Variants in SLC8A1 observed in about 807,000 individuals in gnomAD.
The protein encoded by SLC8A1 is sodium/calcium exchanger 1.
In SLC8A1, 18 loss-of-function variants were observed where a neutral mutation model predicts 68.3. The observed-to-expected ratio is 0.26, with a 90% CI of 0.18 to 0.39. SLC8A1 has a LOEUF of 0.39. Among genes scored for constraint, SLC8A1 ranks in the 10% least tolerant of loss-of-function variants. SLC8A1 has a pLI of 1.00. For synonymous variants in SLC8A1, 475 were observed against 415.5 expected (o/e 1.14, Z -1.74); for missense variants, 985 against 1,156.7 (o/e 0.85, Z 2.15).
chr2:40,221,619 A>G (rs995895055), intron 2 of SLC8A1, among the ~76,000 whole-genome samples: 7 of 152,214 alleles, frequency 4.6e-5, no homozygotes, highest in Non-Finnish European at 1.0e-4. Context: ...ACATGATTGT[A>G]TATTTAGAAA....
At chr2:40,489,777 C>G (rs1345784009) in intron 1 of SLC8A1, among the ~76,000 whole-genome samples, 2 of 151,970 alleles carry the variant, frequency 1.3e-5, no homozygotes, top group Non-Finnish European at 2.9e-5. Context: ...ACCACATTCC[C>G]TGGGGTTAGT....
intron 2 of SLC8A1, among the ~76,000 whole-genome samples, chr2:40,380,861 G>A (rs1269589986): frequency 6.6e-6 from 1 of 152,058 alleles, no homozygotes; most frequent in Non-Finnish European, 1.5e-5. Context: ...TTCAGGGAAT[G>A]TGCTACTTTT....
chr2:40,468,272 A>G (rs4952416), intron 1 of SLC8A1, among the ~76,000 whole-genome samples: 10,550 of 152,186 alleles, frequency 0.069, 878 homozygotes, highest in African/African-American at 0.18. Flanking sequence ...TTTAGTAAGC[A>G]TTTACGTATT....
At chr2:40,144,731 A>G (rs374651549) in intron 6 of SLC8A1, among the ~76,000 whole-genome samples, 5 of 152,310 alleles carry the variant, frequency 3.3e-5, no homozygotes, top group African/African-American at 1.2e-4. Context: ...AAATAAAACA[A>G]TCAGGTAAAA....
At chr2:40,430,140 A>G (rs1447862918) in exon 2 of SLC8A1, 1 of 1,613,714 alleles carries the variant, frequency 6.2e-7, no homozygotes, top group Non-Finnish European at 8.5e-7. Context: ...CAGTACATTC[A>G]CCAGTTTCAT....
In SLC8A1 at chr2:40,199,325, T is replaced by G. The variant is rs570070181; in HGVS notation, c.1809-21470A>C. Among the ~76,000 whole-genome samples, 4 of 151,852 alleles carry G rather than the reference T, an allele frequency of 2.6e-5. No homozygotes were observed. The South Asian group carries it at 8.3e-4, about 32-fold the overall frequency. ...TGTTGGATCACTGGCTTGCAATGGATGAAGCTTGGCAGGCGTGGTCTTCCT... is the reference window on the plus strand; with the variant it reads ...TGTTGGATCACTGGCTTGCAATGGAGGAAGCTTGGCAGGCGTGGTCTTCCT... On this transcript the variant is annotated intron_variant, in intron 2 of 7. Coordinates refer to ENST00000406785, the Ensembl canonical transcript of SLC8A1.
At position 40,385,787 on chromosome 2, in the gene SLC8A1, A is replaced by G. The variant is rs570336174; in HGVS notation, c.1808+42686T>C. 3.3e-5 allele frequency among the ~76,000 whole-genome samples: 5 copies of G among 151,492 alleles called. No homozygotes were observed. In the East Asian group the frequency reaches 5.8e-4, roughly 18 times the overall value. On this transcript the variant is annotated intron_variant, in intron 2 of 7. Transcript: ENST00000406785. ...ATTTTAAAACAGAAGCTTGGCAAAT[A>G]TAAGTGTAAAATATGTAATGACAAT...
chr2:40,209,527 G>A lies in SLC8A1; in HGVS notation c.1809-31672C>T, dbSNP rs934284086. Among the ~76,000 whole-genome samples, 14 of 152,186 alleles carry A rather than the reference G, an allele frequency of 9.2e-5. No individual in the cohort carries two copies. The South Asian group carries it at 1.9e-3, about 20-fold the overall frequency. ...ATAGGGAGCCACTGGAGGATTTTGA[G>A]CAGAGAAGGGATATAACTTGACTTA... On this transcript the variant is annotated intron_variant, in intron 2 of 7. Coordinates refer to ENST00000406785, the Ensembl canonical transcript of SLC8A1.
intron 2 of SLC8A1, among the ~76,000 whole-genome samples, chr2:40,356,850 C>G (rs911740589): frequency 1.3e-5 from 2 of 152,140 alleles, no homozygotes; most frequent in Non-Finnish European, 2.9e-5. Flanking sequence ...AGTCATATTT[C>G]CAGTTTAATT....
chr2:40,241,753 G>C (rs1232757696), intron 2 of SLC8A1, among the ~76,000 whole-genome samples: 1 of 152,126 alleles, frequency 6.6e-6, no homozygotes, highest in Non-Finnish European at 1.5e-5. Context: ...GAACTCCACA[G>C]GCTTTGAGAG....
At chr2:40,317,132 G>C (rs2074566014) in intron 2 of SLC8A1, among the ~76,000 whole-genome samples, 1 of 152,008 alleles carries the variant, frequency 6.6e-6, no homozygotes, top group Non-Finnish European at 1.5e-5. Context: ...TTACTGAATA[G>C]TTCGGCTTCT....
intron 2 of SLC8A1, among the ~76,000 whole-genome samples, chr2:40,284,059 C>G (rs1302156584): frequency 6.6e-6 from 1 of 151,996 alleles, no homozygotes; most frequent in Non-Finnish European, 1.5e-5. Context: ...ATAGCTCAGA[C>G]CCTAAGGAGG....
chr2:40,280,043 C>T (rs2067287263), intron 2 of SLC8A1, among the ~76,000 whole-genome samples: 1 of 151,994 alleles, frequency 6.6e-6, no homozygotes, highest in Admixed American at 6.6e-5. Flanking sequence ...CTATGGAGTA[C>T]ACTGAATACC....
At chr2:40,512,125 A>G (rs562397104) in intron 1 of SLC8A1, among the ~76,000 whole-genome samples, 5 of 152,324 alleles carry the variant, frequency 3.3e-5, no homozygotes, top group Admixed American at 2.6e-4. Flanking sequence ...ATTTGGCAGC[A>G]AATCTGTGTT....
At chr2:40,294,552 G>A (rs115467818) in intron 2 of SLC8A1, among the ~76,000 whole-genome samples, 1,887 of 152,086 alleles carry the variant, frequency 0.012, 44 homozygotes, top group African/African-American at 0.043. Flanking sequence ...ATATATATGG[G>A]GAGAGAGAGG....
intron 2 of SLC8A1, among the ~76,000 whole-genome samples, chr2:40,256,498 G>A (rs1425355693): frequency 2.0e-5 from 3 of 152,302 alleles, no homozygotes; most frequent in African/African-American, 7.2e-5. Context: ...TGCATAATGG[G>A]AGTGATTCTA....
At chr2:40,149,139 C>G (rs148001259) in intron 6 of SLC8A1, among the ~76,000 whole-genome samples, 44 of 152,276 alleles carry the variant, frequency 2.9e-4, no homozygotes, top group African/African-American at 9.4e-4. Flanking sequence ...CACTGTTTTG[C>G]ACCTCAAGCC....
intron 2 of SLC8A1, among the ~76,000 whole-genome samples, chr2:40,220,743 T>C (rs964555409): frequency 5.9e-5 from 9 of 152,162 alleles, no homozygotes; most frequent in Admixed American, 4.6e-4. Context: ...TAGTTCTTTT[T>C]TGTTCATCCT....
At chr2:40,358,390 A>C (rs1312394099) in intron 2 of SLC8A1, among the ~76,000 whole-genome samples, 1 of 152,196 alleles carries the variant, frequency 6.6e-6, no homozygotes, top group Middle Eastern at 3.2e-3. Flanking sequence ...CTTGACAGCA[A>C]AAGAACAGTA....
Sources: allele counts gnomAD v4.1 joint callset (sites outside exome capture counted in the v4.1 genomes callset), GRCh38; gene constraint gnomAD v4.1.1; transcripts MANE v1.5; gene names NCBI Gene and HGNC (gene_info 2026-07-23, HGNC 2026-07-21).